Variants in RBFOX1 observed in about 807,000 individuals in gnomAD.
The protein encoded by RBFOX1 is RNA binding protein fox-1 homolog 1.
RBFOX1 carries 8 observed loss-of-function variants against 57.7 expected under a neutral mutation model. The observed-to-expected ratio is 0.14, with a 90% CI of 0.08 to 0.25. RBFOX1 has a LOEUF of 0.25. Ranked by LOEUF, RBFOX1 falls within the 10% of genes least tolerant of loss-of-function variation. The probability of loss-of-function intolerance (pLI) is 1.00; values close to 1 mark genes in which losing one functional copy is unlikely to be tolerated. For synonymous variants in RBFOX1, 326 were observed against 222.4 expected (o/e 1.47, Z -4.15); for missense variants, 611 against 548.5 (o/e 1.11, Z -1.14).
chr16:7,387,310 T>C (rs56178508), intron 4 of RBFOX1, among the ~76,000 whole-genome samples: 12,374 of 152,244 alleles, frequency 0.081, 544 homozygotes, highest in East Asian at 0.2. Context: ...ATCCTCATTT[T>C]ATAGATAAGA....
At chr16:5,486,944 C>G (rs1293530983) in intron 2 of RBFOX1, among the ~76,000 whole-genome samples, 2 of 152,176 alleles carry the variant, frequency 1.3e-5, no homozygotes, top group Admixed American at 6.5e-5. Flanking sequence ...CCTTCTTCTT[C>G]AATGCTCACC....
chr16:7,282,222 T>C (rs755534758), intron 4 of RBFOX1, among the ~76,000 whole-genome samples: 11 of 152,054 alleles, frequency 7.2e-5, no homozygotes, highest in Non-Finnish European at 1.2e-4. Flanking sequence ...CCAAACCCAT[T>C]TTCTTTGCAG....
intron 1 of RBFOX1, among the ~76,000 whole-genome samples, chr16:6,211,503 C>A (rs868208246): frequency 2.0e-5 from 3 of 152,114 alleles, no homozygotes; most frequent in African/African-American, 7.2e-5. Flanking sequence ...GCTGGGATTA[C>A]AGGCGTGAGC....
intron 3 of RBFOX1, among the ~76,000 whole-genome samples, chr16:5,615,838 A>G (rs1295005743): frequency 2.0e-5 from 3 of 152,206 alleles, no homozygotes; most frequent in Non-Finnish European, 2.9e-5. Flanking sequence ...GGGGTCTTCA[A>G]TGCTTTTTTA....
chr16:5,682,897 G>C (rs936694533), intron 3 of RBFOX1, among the ~76,000 whole-genome samples: 14 of 152,192 alleles, frequency 9.2e-5, no homozygotes, highest in African/African-American at 3.4e-4. Flanking sequence ...TGAAACAGCT[G>C]TGGAAGTGCA....
At chr16:5,762,646 G>A (rs1446245840) in intron 3 of RBFOX1, among the ~76,000 whole-genome samples, 2 of 152,106 alleles carry the variant, frequency 1.3e-5, no homozygotes, top group Admixed American at 6.5e-5. Context: ...GAAGTAAGTG[G>A]TACTCATTGC....
In RBFOX1 at chr16:7,020,027, T is replaced by A. The variant is rs74692662; in HGVS notation, c.-15-32030T>A. On this transcript the variant is annotated intron_variant, in intron 3 of 15. Transcript: ENST00000550418. ...AAGTGCTGCTACCCTCAGGAAGGCG[T>A]CTGTAGTGTTTTCTAGATCAGCTTA... Among the ~76,000 whole-genome samples the A allele has an allele frequency of 4.6e-3, 695 of 151,380 alleles. 8 individuals carry two copies. The highest frequency in any genetic ancestry group is 0.023 in the East Asian group (116 of 5,122).
At chr16:7,129,137 G>T (rs549188861) in intron 4 of RBFOX1, among the ~76,000 whole-genome samples, 2 of 152,198 alleles carry the variant, frequency 1.3e-5, no homozygotes, top group South Asian at 2.1e-4. Flanking sequence ...AATTAAACTT[G>T]CCCAAAGTTA....
At chr16:7,403,777 C>G in intron 4 of RBFOX1, among the ~76,000 whole-genome samples, 1 of 152,072 alleles carries the variant, frequency 6.6e-6, no homozygotes, top group East Asian at 1.9e-4. Flanking sequence ...AACTCCTGAC[C>G]TCAGGTGAAC....
chr16:5,855,588 G>A (rs1444958143), intron 3 of RBFOX1, among the ~76,000 whole-genome samples: 1 of 152,078 alleles, frequency 6.6e-6, no homozygotes, highest in Non-Finnish European at 1.5e-5. Flanking sequence ...CTTTATGTCT[G>A]TTTTTTGCTG....
At chr16:6,643,522 A>T (rs1037398162) in intron 2 of RBFOX1, among the ~76,000 whole-genome samples, 20 of 152,150 alleles carry the variant, frequency 1.3e-4, no homozygotes, top group Non-Finnish European at 2.9e-5. Context: ...AATTTTTACC[A>T]ACATCAGAGT....
intron 1 of RBFOX1, among the ~76,000 whole-genome samples, chr16:6,049,813 A>G (rs2095533863): frequency 6.6e-6 from 1 of 152,038 alleles, no homozygotes; most frequent in East Asian, 1.9e-4. Context: ...CTTTAGGAAC[A>G]CCCTTCCCAG....
intron 1 of RBFOX1, among the ~76,000 whole-genome samples, chr16:6,221,198 T>C (rs573908349): frequency 1.3e-5 from 2 of 152,362 alleles, no homozygotes; most frequent in Non-Finnish European, 2.9e-5. Context: ...AAAAGGGTCA[T>C]AGCAATGTAT....
chr16:6,975,546 C>T (rs1364829705), intron 3 of RBFOX1, among the ~76,000 whole-genome samples: 1 of 152,086 alleles, frequency 6.6e-6, no homozygotes, highest in African/African-American at 2.4e-5. Flanking sequence ...GGATTACAGG[C>T]GTGAGCCACT....
At chr16:6,778,954 C>T (rs1195616525) in intron 3 of RBFOX1, among the ~76,000 whole-genome samples, 6 of 151,744 alleles carry the variant, frequency 4.0e-5, no homozygotes, top group African/African-American at 1.5e-4. Context: ...GTGTAATGAT[C>T]AAATCAAGGT....
intron 1 of RBFOX1, among the ~76,000 whole-genome samples, chr16:5,291,478 T>C (rs1288580970): frequency 6.6e-6 from 1 of 152,106 alleles, no homozygotes; most frequent in Non-Finnish European, 1.5e-5. Context: ...TTAGCGAGAA[T>C]GGTCTGGATC....
chr16:7,518,509 GC>G, intron 5 of RBFOX1, 120 bp downstream of exon 5: 1 of 1,343,254 alleles, frequency 7.4e-7, no homozygotes. Flanking sequence ...CAGTCCCTAA[GC>G]CCACCCTCAT....
chr16:7,264,742 C>G (rs186397885), intron 4 of RBFOX1, among the ~76,000 whole-genome samples: 4 of 152,188 alleles, frequency 2.6e-5, no homozygotes, highest in Admixed American at 6.5e-5. Context: ...ATTCTTAGCT[C>G]TTGGCTATAT....
intron 2 of RBFOX1, among the ~76,000 whole-genome samples, chr16:6,383,288 C>G (rs549799976): frequency 6.6e-6 from 1 of 152,226 alleles, no homozygotes; most frequent in African/African-American, 2.4e-5. Context: ...ACCTCTTAAA[C>G]TTGGCATCAG....
Sources: gnomAD v4.1 joint callset for allele counts (sites outside exome capture counted in the v4.1 genomes callset) on GRCh38, gnomAD v4.1.1 for gene constraint, MANE v1.5 for transcripts, NCBI Gene and HGNC (gene_info 2026-07-23, HGNC 2026-07-21) for gene names.